SLC26A7: variants seen among roughly 807,000 people sequenced by gnomAD.
The protein encoded by SLC26A7 is solute carrier family 26 member 7.
A neutral mutation model predicts 82.5 loss-of-function variants in SLC26A7; 59 were observed. That is an observed-to-expected ratio of 0.72 (90% confidence interval 0.58 to 0.89). SLC26A7 has a LOEUF of 0.89. Among genes scored for constraint, SLC26A7 ranks in the 40% least tolerant of loss-of-function variants. The pLI, the probability that SLC26A7 is intolerant of heterozygous loss-of-function variation, is 0.00. For synonymous variants in SLC26A7, 271 were observed against 274.3 expected, an observed-to-expected ratio of 0.99 and a Z score of 0.12; for missense variants, 820 against 793.0, an observed-to-expected ratio of 1.03 and a Z score of -0.41.
chr8:91,317,141 C>T (rs1252589350), intron 4 of SLC26A7, among the ~76,000 whole-genome samples: 3 of 150,582 alleles, frequency 2.0e-5, no homozygotes. Flanking sequence ...GCCTGGGAGA[C>T]AGAGTGAGAC....
At chr8:91,311,652 A>G (rs1812490366) in intron 4 of SLC26A7, among the ~76,000 whole-genome samples, 1 of 152,186 alleles carries the variant, frequency 6.6e-6, no homozygotes, top group Non-Finnish European at 1.5e-5. Flanking sequence ...TGCCAAGGTT[A>G]AGGACATGCC....
intron 2 of SLC26A7, among the ~76,000 whole-genome samples, chr8:91,283,807 T>C (rs764256517): frequency 3.5e-4 from 53 of 152,202 alleles, no homozygotes; most frequent in Non-Finnish European, 7.2e-4. Flanking sequence ...TCATATGAAA[T>C]ATCTTTACTG....
chr8:91,321,898 G>T (rs899123002), intron 5 of SLC26A7, among the ~76,000 whole-genome samples: 1 of 101,696 alleles, frequency 9.8e-6, no homozygotes, highest in East Asian at 3.1e-4. Context: ...TTGATTTCCA[G>T]TTGTCTTGTC....
At position 91,343,465 on chromosome 8, in the gene SLC26A7, A is replaced by G. The variant is rs748708807; in HGVS notation, c.1139A>G (p.Gln380Arg). Reference protein sequence around the residue: ...AGLYSTGAKTQVACLISCIFV... With the variant: ...AGLYSTGAKTRVACLISCIFV... ...CTGTACAGCACAGGAGCGAAGACACAGGTAACTGAATTGTTCCACAGGGAC... is the reference window on the plus strand; with the variant it reads ...CTGTACAGCACAGGAGCGAAGACACGGGTAACTGAATTGTTCCACAGGGAC... Residue 380 changes from glutamine to arginine, a missense_variant and splice_region_variant, in exon 9 of 19, where the codon CAG becomes CGG. Gln to Arg is a conservative substitution (Grantham distance 43). Transcript: ENST00000276609. The G allele has an allele frequency of 6.2e-7, 1 of 1,608,152 alleles. No homozygotes were observed. The highest frequency in any genetic ancestry group is 1.1e-5 in the South Asian group (1 of 90,816).
chr8:91,288,593 C>A lies in SLC26A7; in HGVS notation c.194-543C>A, dbSNP rs564928851. Among the ~76,000 whole-genome samples the A allele has an allele frequency of 2.2e-5, 3 of 133,474 alleles. No homozygotes were observed. The South Asian group carries it at 8.4e-4, about 37-fold the overall frequency. The allele number at this position is 133,474 out of a possible 152,430, so 87.6% of individuals were successfully genotyped here. ...AGCCAAGGTCCCATTAGTTGGGAAG[C>A]ACATGGGTTTATTCATCGGCCCTAC... On this transcript the variant is annotated intron_variant, in intron 2 of 18. Transcript: ENST00000276609.
chr8:91,329,638 A>G (rs1813024533), intron 5 of SLC26A7, among the ~76,000 whole-genome samples: 2 of 152,106 alleles, frequency 1.3e-5, no homozygotes, highest in Non-Finnish European at 2.9e-5. Context: ...TCTTTCTTAT[A>G]CAGACATTGT....
chr8:91,290,459 T>C (rs1411801278), intron 3 of SLC26A7, among the ~76,000 whole-genome samples: 2 of 152,204 alleles, frequency 1.3e-5, no homozygotes, highest in East Asian at 3.9e-4. Context: ...TCTTGACTTT[T>C]CTAGTTTCTA....
intron 15 of SLC26A7, among the ~76,000 whole-genome samples, chr8:91,388,267 T>A (rs1329328855): frequency 1.3e-5 from 2 of 151,016 alleles, no homozygotes; most frequent in East Asian, 3.9e-4. Flanking sequence ...AGCGGGATTT[T>A]TTTTAGTCTC....
At chr8:91,317,642 T>C (rs1241698036) in intron 4 of SLC26A7, among the ~76,000 whole-genome samples, 10 of 152,164 alleles carry the variant, frequency 6.6e-5, no homozygotes, top group Admixed American at 6.5e-4. Flanking sequence ...TCTGGGAGAA[T>C]CTTGAGGAAT....
At chr8:91,343,307 G>A in intron 8 of SLC26A7, 46 bp from the exon 9 acceptor site, 1 of 1,252,378 alleles carries the variant, frequency 8.0e-7, no homozygotes, top group East Asian at 2.5e-5. Flanking sequence ...GTCTCTAAAA[G>A]TCTATTGTGA....
chr8:91,368,718 C>G (rs563401665), intron 14 of SLC26A7, among the ~76,000 whole-genome samples: 1 of 152,176 alleles, frequency 6.6e-6, no homozygotes, highest in East Asian at 1.9e-4. Context: ...CCACCACGCC[C>G]GGCCCAGATG....
At chr8:91,316,288 T>C (rs1400921678) in intron 4 of SLC26A7, among the ~76,000 whole-genome samples, 1 of 151,938 alleles carries the variant, frequency 6.6e-6, no homozygotes, top group Non-Finnish European at 1.5e-5. Flanking sequence ...TTTCTTATTT[T>C]TATTATTTTT....
intron 2 of SLC26A7, among the ~76,000 whole-genome samples, chr8:91,258,633 A>G (rs995754944): frequency 6.6e-6 from 1 of 152,064 alleles, no homozygotes; most frequent in Admixed American, 6.6e-5. Context: ...TTCATTGTCT[A>G]TTATATCAAT....
intron 2 of SLC26A7, among the ~76,000 whole-genome samples, chr8:91,229,822 T>C (rs1454800657): frequency 6.6e-6 from 1 of 152,186 alleles, no homozygotes; most frequent in Non-Finnish European, 1.5e-5. Context: ...CTGGTAAATA[T>C]GAATGTTAGC....
At chr8:91,284,647 T>C (rs556741565) in intron 2 of SLC26A7, among the ~76,000 whole-genome samples, 1 of 152,156 alleles carries the variant, frequency 6.6e-6, no homozygotes, top group South Asian at 2.1e-4. Context: ...ATAGCAGAGA[T>C]TGGATGAAAC....
intron 2 of SLC26A7, among the ~76,000 whole-genome samples, chr8:91,234,865 T>C (rs960822612): frequency 8.0e-5 from 12 of 149,194 alleles, no homozygotes; most frequent in Non-Finnish European, 1.6e-4. Flanking sequence ...CCTTCCTTCC[T>C]TCCCTTCTTC....
At chr8:91,259,424 C>A (rs1297052901) in intron 2 of SLC26A7, among the ~76,000 whole-genome samples, 1 of 152,078 alleles carries the variant, frequency 6.6e-6, no homozygotes, top group African/African-American at 2.4e-5. Context: ...TGGCCAAGGT[C>A]ATCAAAGCAT....
chr8:91,270,459 T>C (rs1421908776), intron 2 of SLC26A7, among the ~76,000 whole-genome samples: 1 of 152,188 alleles, frequency 6.6e-6, no homozygotes, highest in Non-Finnish European at 1.5e-5. Context: ...TGGGAAAGAC[T>C]TAAAGGAGCA....
At chr8:91,269,977 G>A (rs569760204) in intron 2 of SLC26A7, among the ~76,000 whole-genome samples, 1 of 151,546 alleles carries the variant, frequency 6.6e-6, no homozygotes, top group South Asian at 2.1e-4. Context: ...TTTTCTTCCT[G>A]GATTGTTTTA....
Sources: gnomAD v4.1 joint callset for allele counts (sites outside exome capture counted in the v4.1 genomes callset) on GRCh38, gnomAD v4.1.1 for gene constraint, MANE v1.5 for transcripts, NCBI Gene and HGNC (gene_info 2026-07-23, HGNC 2026-07-21) for gene names.